The following QDPR variants were observed in gnomAD, a reference collection of about 807,000 sequenced individuals.
QDPR encodes dihydropteridine reductase.
QDPR carries 23 observed loss-of-function variants against 31.7 expected under a neutral mutation model. That is an observed-to-expected ratio of 0.73 (90% confidence interval 0.52 to 1.03). The LOEUF is 1.03. QDPR is among the 50% of genes least tolerant of loss of function. The pLI, the probability that QDPR is intolerant of heterozygous loss-of-function variation, is 0.00. For synonymous variants in QDPR, 124 were observed against 124.7 expected (o/e 0.99, Z 0.03); for missense variants, 324 against 323.8 (o/e 1.00, Z 0.00).
chr4:17,488,029 G>A (rs949760218), intron 6 of QDPR, among the ~76,000 whole-genome samples: 37 of 152,136 alleles, frequency 2.4e-4, no homozygotes, highest in African/African-American at 8.4e-4. Context: ...TTGGGAGGCT[G>A]AGGCAGGTGG....
intron 3 of QDPR, among the ~76,000 whole-genome samples, chr4:17,503,866 G>A (rs1356799023): frequency 3.9e-5 from 6 of 151,936 alleles, no homozygotes; most frequent in African/African-American, 7.3e-5. Flanking sequence ...CAGGAGAATC[G>A]CTTGAACCTG....
chr4:17,499,463 T>G (rs1365845246), intron 4 of QDPR, among the ~76,000 whole-genome samples: 1 of 152,214 alleles, frequency 6.6e-6, no homozygotes, highest in African/African-American at 2.4e-5. Context: ...TCATCTTAAA[T>G]AAAAATCAGA....
intron 4 of QDPR, among the ~76,000 whole-genome samples, chr4:17,498,198 G>A (rs1718433303): frequency 6.6e-6 from 1 of 152,166 alleles, no homozygotes; most frequent in Non-Finnish European, 1.5e-5. Flanking sequence ...AATTGCTGTG[G>A]AGGCATCGCA....
chr4:17,488,199 T>C (rs1718035695), intron 6 of QDPR, among the ~76,000 whole-genome samples: 1 of 151,608 alleles, frequency 6.6e-6, no homozygotes, highest in African/African-American at 2.4e-5. Flanking sequence ...AGATCAAGGC[T>C]AGGGTAAGCC....
Position 17,492,221 on chromosome 4 carries a change from C to G in QDPR, c.545+11G>C. 1 of 1,611,776 alleles carries G rather than the reference C, an allele frequency of 6.2e-7. No homozygotes were observed. The highest frequency in any genetic ancestry group is 8.5e-7 in the Non-Finnish European group (1 of 1,178,346). On this transcript the variant is annotated intron_variant, in intron 5 of 6. Coordinates refer to ENST00000281243, the MANE Select transcript of QDPR (RefSeq NM_000320.3). ...GAGGTGGGCAGCAGCCAGGGAACCCCAAGCACTTACGGGAGCACAGCGATG... is the reference window on the plus strand; with the variant it reads ...GAGGTGGGCAGCAGCCAGGGAACCCGAAGCACTTACGGGAGCACAGCGATG...
chr4:17,500,248 C>T (rs1016611316), intron 4 of QDPR, among the ~76,000 whole-genome samples: 4 of 150,134 alleles, frequency 2.7e-5, no homozygotes, highest in South Asian at 2.1e-4. Flanking sequence ...CCACTGCACC[C>T]GGCCAAAAGC....
chr4:17,504,344 A>G, intron 3 of QDPR, 35 bp downstream of exon 3: 1 of 1,572,642 alleles, frequency 6.4e-7, no homozygotes, highest in Non-Finnish European at 8.8e-7. Flanking sequence ...AAAAGAGCAG[A>G]GCAGAACAAA....
At chr4:17,508,959 T>C (rs187473431) in intron 2 of QDPR, among the ~76,000 whole-genome samples, 172 of 152,006 alleles carry the variant, frequency 1.1e-3, no homozygotes, top group African/African-American at 3.0e-3. Context: ...GAGTTCAAGA[T>C]CAGCCTGGCC....
At position 17,490,006 on chromosome 4, in the gene QDPR, G is replaced by A. The variant is rs192414915; in HGVS notation, c.629+656C>T. The stretch of plus-strand genomic sequence containing the variant: ...AGCACCTGGCCCATAGTGGGTGCTC[G>A]ATGAACACATGCTTACTAACTAGAG... On this transcript the variant is annotated intron_variant, in intron 6 of 6. Coordinates refer to ENST00000281243, the MANE Select transcript of QDPR (RefSeq NM_000320.3). 2.6e-3 allele frequency: 407 copies of A among 158,238 alleles called. 1 individual carries two copies. The highest frequency in any genetic ancestry group is 4.3e-3 in the Non-Finnish European group (310 of 71,302). 9.8% of individuals were successfully genotyped at this position (158,238 alleles called of 1,614,324 possible).
chr4:17,499,231 G>A (rs1718473796), intron 4 of QDPR, among the ~76,000 whole-genome samples: 1 of 152,196 alleles, frequency 6.6e-6, no homozygotes, highest in Non-Finnish European at 1.5e-5. Context: ...ACGTGTCACA[G>A]TAAGTGGCAG....
At chr4:17,510,047 A>G (rs917408913) in intron 1 of QDPR, 3 of 436,250 alleles carry the variant, frequency 6.9e-6, no homozygotes, top group African/African-American at 6.1e-5. Context: ...ATAAATCTTC[A>G]GAGCTGAAAT....
chr4:17,488,138 G>A (rs1577183296), intron 6 of QDPR, among the ~76,000 whole-genome samples: 1 of 151,978 alleles, frequency 6.6e-6, no homozygotes, highest in Non-Finnish European at 1.5e-5. Flanking sequence ...GCACATGCCT[G>A]TAGTCCCAGC....
chr4:17,494,933 C>A (rs190660625), intron 4 of QDPR, among the ~76,000 whole-genome samples: 4 of 152,242 alleles, frequency 2.6e-5, no homozygotes, highest in Non-Finnish European at 5.9e-5. Context: ...CCAACAAGGG[C>A]CTTGGAAACC....
intron 1 of QDPR, among the ~76,000 whole-genome samples, chr4:17,510,197 A>G (rs1310501980): frequency 2.0e-5 from 3 of 152,222 alleles, no homozygotes; most frequent in African/African-American, 4.8e-5. Context: ...CTCACAAAGG[A>G]TCCCTGTCCT....
Position 17,512,006 on chromosome 4 carries a change from C to T in QDPR, c.49G>A (p.Gly17Ser), listed in dbSNP as rs757483045. The T allele has an allele frequency of 6.2e-7, 1 of 1,609,732 alleles. No individual in the cohort carries two copies. Among genetic ancestry groups the T allele is most frequent in the South Asian group, 1.1e-5 (1 of 90,876 alleles). ...CGAGAACCCAGAGCGCCCCTGCCGC[C>T]GTACACCAGCACCCGGCGCGCCTCG... ...AGEARRVLVY[G>S]GRGALGSRCV... Residue 17 changes from glycine to serine, a missense_variant, in exon 1 of 7, where the codon GGC (glycine) becomes AGC (serine). Gly to Ser is a moderately conservative substitution (Grantham distance 56). Transcript: ENST00000281243.
At chr4:17,502,660 A>G (rs1718612829) in intron 3 of QDPR, among the ~76,000 whole-genome samples, 1 of 152,252 alleles carries the variant, frequency 6.6e-6, no homozygotes, top group Admixed American at 6.5e-5. Context: ...TCACATTGAC[A>G]TGTGGGTCAC....
Position 17,487,002 on chromosome 4 carries a change from G to A in QDPR, c.*129C>T, listed in dbSNP as rs1560305516. Reference sequence around the variant, plus strand: ...CTAGGAGAGCAAATGCATATTATGTGAGAGAAAAATAGGACTCATTATCTC... The same window carrying A: ...CTAGGAGAGCAAATGCATATTATGTAAGAGAAAAATAGGACTCATTATCTC... On this transcript the variant is annotated 3_prime_UTR_variant, in exon 7 of 7. Transcript: ENST00000281243. The A allele has an allele frequency of 1.1e-5, 8 of 760,928 alleles. No homozygotes were observed. Among genetic ancestry groups the A allele is most frequent in the Non-Finnish European group, 1.4e-5 (6 of 425,964 alleles). The allele number at this position is 760,928 out of a possible 1,614,324, so 47.1% of individuals were successfully genotyped here.
chr4:17,487,703 CT>C (rs1400836485), intron 6 of QDPR, among the ~76,000 whole-genome samples: 1 of 152,036 alleles, frequency 6.6e-6, no homozygotes, highest in Non-Finnish European at 1.5e-5. Context: ...TGGCTCACCC[CT>C]ATGATCCCAG....
intron 2 of QDPR, among the ~76,000 whole-genome samples, chr4:17,504,725 A>C (rs1158570323): frequency 1.3e-5 from 2 of 152,178 alleles, no homozygotes; most frequent in Non-Finnish European, 2.9e-5. Context: ...AAAGGTAGAG[A>C]CATGAGCATC....
Sources: allele counts gnomAD v4.1 joint callset (sites outside exome capture counted in the v4.1 genomes callset), GRCh38; gene constraint gnomAD v4.1.1; transcripts MANE v1.5; gene names NCBI Gene and HGNC (gene_info 2026-07-23, HGNC 2026-07-21).